KCTD8: variants seen among roughly 807,000 people sequenced by gnomAD.
KCTD8 encodes the protein potassium channel tetramerization domain containing 8, also known as BTB/POZ domain-containing protein KCTD8.
KCTD8 carries 27 observed loss-of-function variants against 31.5 expected under a neutral mutation model. That is an observed-to-expected ratio of 0.86 (90% CI 0.63 to 1.18). The LOEUF is 1.18. Among genes scored for constraint, KCTD8 ranks in the 50% most tolerant of loss-of-function variants. The probability of loss-of-function intolerance (pLI) is 0.00; values close to 1 mark genes in which losing one functional copy is unlikely to be tolerated. For missense variants in KCTD8, 658 were observed against 647.7 expected (o/e 1.02, Z -0.17); for synonymous variants, 290 against 280.0 (o/e 1.04, Z -0.36).
At chr4:44,274,909 T>C (rs1716710123) in intron 1 of KCTD8, among the ~76,000 whole-genome samples, 1 of 151,962 alleles carries the variant, frequency 6.6e-6, no homozygotes, top group Non-Finnish European at 1.5e-5. Context: ...TCCACTGCAA[T>C]CTATTAATGC....
intron 1 of KCTD8, among the ~76,000 whole-genome samples, chr4:44,181,023 ATTAAT>A (rs1453309886): frequency 2.0e-5 from 3 of 152,136 alleles, no homozygotes; most frequent in Non-Finnish European, 4.4e-5. Context: ...AGAAAACATT[ATTAAT>A]TTATGTCTGT....
intron 1 of KCTD8, among the ~76,000 whole-genome samples, chr4:44,441,423 G>A (rs4437291): frequency 0.31 from 47,202 of 151,844 alleles, 8,557 homozygotes; most frequent in African/African-American, 0.51. Context: ...AAGACATAAA[G>A]TATATATTTA....
At chr4:44,247,484 A>G (rs1715699977) in intron 1 of KCTD8, among the ~76,000 whole-genome samples, 1 of 149,108 alleles carries the variant, frequency 6.7e-6, no homozygotes. Context: ...AACATTTAAC[A>G]TGAGATCTAC....
intron 1 of KCTD8, among the ~76,000 whole-genome samples, chr4:44,318,399 T>A (rs893837275): frequency 6.6e-6 from 1 of 152,156 alleles, no homozygotes; most frequent in African/African-American, 2.4e-5. Flanking sequence ...CCTGGCTTGT[T>A]TTTGTGAAAT....
intron 1 of KCTD8, among the ~76,000 whole-genome samples, chr4:44,322,562 GTTTTTCCT>G (rs1326858011): frequency 6.6e-6 from 1 of 151,854 alleles, no homozygotes; most frequent in African/African-American, 2.4e-5. Context: ...TTCATTTTAT[GTTTTTCCT>G]TTGCTGTGCA....
intron 1 of KCTD8, among the ~76,000 whole-genome samples, chr4:44,283,108 A>C (rs1716948446): frequency 6.6e-6 from 1 of 150,504 alleles, no homozygotes; most frequent in Admixed American, 6.6e-5. Flanking sequence ...CCCAGGCTGG[A>C]GTGCAATCTC....
chr4:44,382,065 C>A lies in KCTD8; in HGVS notation c.961+65498G>T, dbSNP rs1427973311. Among the ~76,000 whole-genome samples, 3 of 151,982 alleles carry A rather than the reference C, an allele frequency of 2.0e-5. No individual in the cohort carries two copies. The East Asian group carries it at 5.8e-4, about 29-fold the overall frequency. On this transcript the variant is annotated intron_variant, in intron 1 of 1. Coordinates refer to ENST00000360029, the MANE Select transcript of KCTD8 (RefSeq NM_198353.3). Reference sequence around the variant, plus strand: ...TATAGGTACCCCGAACAGGAGCACTCAGATATATAAAGCAAATAATATTAG... The same window carrying A: ...TATAGGTACCCCGAACAGGAGCACTAAGATATATAAAGCAAATAATATTAG...
chr4:44,279,123 A>G (rs1323364198), intron 1 of KCTD8, among the ~76,000 whole-genome samples: 1 of 152,092 alleles, frequency 6.6e-6, no homozygotes, highest in Non-Finnish European at 1.5e-5. Flanking sequence ...GGAGATAGTC[A>G]TATTTGCATA....
At chr4:44,379,551 GGT>G (rs1347311002) in intron 1 of KCTD8, among the ~76,000 whole-genome samples, 1 of 152,062 alleles carries the variant, frequency 6.6e-6, no homozygotes, top group Non-Finnish European at 1.5e-5. Flanking sequence ...AACCATTGCA[GGT>G]GTGTGTATGT....
chr4:44,348,487 G>T (rs1461549061), intron 1 of KCTD8, among the ~76,000 whole-genome samples: 1 of 152,164 alleles, frequency 6.6e-6, no homozygotes, highest in African/African-American at 2.4e-5. Context: ...TGCAAGTTAA[G>T]TGTGTATGTA....
intron 1 of KCTD8, among the ~76,000 whole-genome samples, chr4:44,404,309 A>G (rs1246481421): frequency 6.6e-6 from 1 of 152,196 alleles, no homozygotes; most frequent in Non-Finnish European, 1.5e-5. Flanking sequence ...AAGTCCAGAC[A>G]TTAAATTCCT....
At chr4:44,227,985 C>T (rs1201242106) in intron 1 of KCTD8, among the ~76,000 whole-genome samples, 5 of 152,182 alleles carry the variant, frequency 3.3e-5, no homozygotes, top group Non-Finnish European at 7.3e-5. Flanking sequence ...TCACACAATG[C>T]TACTACTCTA....
At chr4:44,310,123 ACT>A (rs1251287771) in intron 1 of KCTD8, among the ~76,000 whole-genome samples, 1 of 152,078 alleles carries the variant, frequency 6.6e-6, no homozygotes, top group Admixed American at 6.6e-5. Flanking sequence ...TATATGTAAA[ACT>A]CTGAAATATG....
intron 1 of KCTD8, among the ~76,000 whole-genome samples, chr4:44,402,380 T>C (rs1720687324): frequency 6.6e-6 from 1 of 152,204 alleles, no homozygotes; most frequent in South Asian, 2.1e-4. Flanking sequence ...GTTCTTAATA[T>C]AATATCAATA....
chr4:44,391,141 A>G (rs1157127956), intron 1 of KCTD8, among the ~76,000 whole-genome samples: 3 of 151,962 alleles, frequency 2.0e-5, no homozygotes, highest in Non-Finnish European at 4.4e-5. Context: ...GATGTAAGGC[A>G]TAAGAATGAT....
At chr4:44,248,754 G>C (rs900802504) in intron 1 of KCTD8, among the ~76,000 whole-genome samples, 1 of 151,778 alleles carries the variant, frequency 6.6e-6, no homozygotes, top group Non-Finnish European at 1.5e-5. Flanking sequence ...AATGTTCTTT[G>C]GGATGATGAC....
chr4:44,213,069 C>T (rs887505955), intron 1 of KCTD8, among the ~76,000 whole-genome samples: 1 of 152,074 alleles, frequency 6.6e-6, no homozygotes, highest in African/African-American at 2.4e-5. Flanking sequence ...ACCCGAGTAG[C>T]TGGGTCTACA....
chr4:44,289,806 G>A (rs1420033354), intron 1 of KCTD8, among the ~76,000 whole-genome samples: 1 of 152,144 alleles, frequency 6.6e-6, no homozygotes, highest in East Asian at 1.9e-4. Flanking sequence ...GGCCACAGGT[G>A]CCCATATCCC....
chr4:44,218,812 C>T (rs932029461), intron 1 of KCTD8, among the ~76,000 whole-genome samples: 20 of 151,886 alleles, frequency 1.3e-4, no homozygotes, highest in Admixed American at 5.9e-4. Context: ...AGATTTTGAG[C>T]TAAATAATGG....
Sources: gnomAD v4.1 joint callset for allele counts (sites outside exome capture counted in the v4.1 genomes callset) on GRCh38, gnomAD v4.1.1 for gene constraint, MANE v1.5 for transcripts, NCBI Gene and HGNC (gene_info 2026-07-23, HGNC 2026-07-21) for gene names.